Variants in NCAM1 observed in about 807,000 individuals in gnomAD.
NCAM1 encodes the protein antigen recognized by monoclonal antibody 5.1H11.
A neutral mutation model predicts 109.8 loss-of-function variants in NCAM1; 14 were observed. The observed-to-expected ratio is 0.13, with a 90% confidence interval of 0.08 to 0.20. The LOEUF is 0.20. Ranked by LOEUF, NCAM1 falls within the 10% of genes least tolerant of loss-of-function variation. The pLI is 1.00. For synonymous variants in NCAM1, 418 were observed against 442.9 expected, an observed-to-expected ratio of 0.94 and a Z score of 0.70; for missense variants, 774 against 1,109.9, an observed-to-expected ratio of 0.70 and a Z score of 4.30.
intron 1 of NCAM1, among the ~76,000 whole-genome samples, chr11:113,007,122 A>G (rs1227484401): frequency 3.9e-5 from 6 of 152,150 alleles, no homozygotes; most frequent in Non-Finnish European, 5.9e-5. Context: ...AAATAATTAC[A>G]CTTCAGGTTA....
At position 113,275,327 on chromosome 11, in the gene NCAM1, C is replaced by T. The variant is rs536434162; in HGVS notation, c.2517C>T (p.Ala839=). Residue 839 remains alanine, a synonymous_variant, in exon 20 of 20, where the codon GCC becomes GCT. Coordinates refer to ENST00000316851, the MANE Select transcript of NCAM1 (RefSeq NM_181351.5). ...CQETETKPAP[A]EVKTVPNDAT... ...AGACAGAAACGAAGCCAGCGCCAGC[C>T]GAAGTCAAGACGGTCCCCAATGACG... The T allele has an allele frequency of 2.0e-5, 33 of 1,613,518 alleles. No homozygotes were observed. The East Asian group carries it at 2.7e-4, about 13-fold the overall frequency.
intron 1 of NCAM1, among the ~76,000 whole-genome samples, chr11:113,200,173 C>T (rs1944007540): frequency 6.6e-6 from 1 of 152,210 alleles, no homozygotes; most frequent in Admixed American, 6.5e-5. Context: ...TGGGGGGACT[C>T]AGCTTCTCAT....
intron 15 of NCAM1, among the ~76,000 whole-genome samples, chr11:113,252,648 A>G (rs1945716031): frequency 6.6e-6 from 1 of 151,650 alleles, no homozygotes; most frequent in African/African-American, 2.4e-5. Context: ...ATTTCATTTT[A>G]TTTTTGAGAC....
chr11:113,031,119 A>G (rs1392748735), intron 1 of NCAM1, among the ~76,000 whole-genome samples: 1 of 152,186 alleles, frequency 6.6e-6, no homozygotes, highest in East Asian at 1.9e-4. Context: ...TTGTCAATGG[A>G]TCAACATGTT....
chr11:113,127,768 T>C (rs1198987008), intron 1 of NCAM1, among the ~76,000 whole-genome samples: 2 of 152,204 alleles, frequency 1.3e-5, no homozygotes, highest in Non-Finnish European at 2.9e-5. Flanking sequence ...CAGCGTCCCT[T>C]CCTACAAGAG....
Position 112,997,576 on chromosome 11 carries a change from T to A in NCAM1, c.52+35912T>A, listed in dbSNP as rs1183562498. The stretch of plus-strand genomic sequence containing the variant: ...GCCAGGAACAAGTTGATTTTTTTCC[T>A]GAATAGTATGATTTAATTTATTAGA... On this transcript the variant is annotated intron_variant, in intron 1 of 19. Coordinates refer to ENST00000316851, the MANE Select transcript of NCAM1 (RefSeq NM_181351.5). 7.2e-5 allele frequency among the ~76,000 whole-genome samples: 11 copies of A among 152,272 alleles called. No individual in the cohort carries two copies. The East Asian group carries it at 2.1e-3, about 29-fold the overall frequency.
At chr11:113,120,077 T>C (rs1442128943) in intron 1 of NCAM1, among the ~76,000 whole-genome samples, 1 of 152,242 alleles carries the variant, frequency 6.6e-6, no homozygotes, top group Non-Finnish European at 1.5e-5. Context: ...TAGAGTGTTC[T>C]CTCAGTTGTC....
intron 1 of NCAM1, among the ~76,000 whole-genome samples, chr11:113,005,041 G>A (rs1163013249): frequency 6.6e-6 from 1 of 151,980 alleles, no homozygotes; most frequent in Non-Finnish European, 1.5e-5. Context: ...CTTTCTTGAT[G>A]TTCTGTCCTC....
intron 14 of NCAM1, chr11:113,242,726 A>C (rs2137395052): frequency 8.0e-7 from 1 of 1,248,574 alleles, no homozygotes; most frequent in Non-Finnish European, 1.2e-6. Context: ...GTATGTATAC[A>C]TATATAGCTA....
chr11:113,129,753 G>A lies in NCAM1; in HGVS notation c.53-72626G>A, dbSNP rs187164750. 4.6e-3 allele frequency among the ~76,000 whole-genome samples: 707 copies of A among 152,254 alleles called. 7 individuals are homozygous for A. The highest frequency in any genetic ancestry group is 0.016 in the African/African-American group (660 of 41,530). ...ATTTCAAGATTTCTTATGAGACTGCGCAGCATTGTGAACATCCTGAATAAA... is the reference window on the plus strand; with the variant it reads ...ATTTCAAGATTTCTTATGAGACTGCACAGCATTGTGAACATCCTGAATAAA... On this transcript the variant is annotated intron_variant, in intron 1 of 19. Coordinates refer to ENST00000316851, the MANE Select transcript of NCAM1 (RefSeq NM_181351.5).
intron 1 of NCAM1, among the ~76,000 whole-genome samples, chr11:113,015,877 T>A (rs1555075192): frequency 6.6e-6 from 1 of 152,170 alleles, no homozygotes; most frequent in Non-Finnish European, 1.5e-5. Context: ...AGGATGTTTG[T>A]CATAAAAGGA....
chr11:113,088,659 G>A (rs1260489489), intron 1 of NCAM1, among the ~76,000 whole-genome samples: 1 of 152,192 alleles, frequency 6.6e-6, no homozygotes, highest in Admixed American at 6.5e-5. Flanking sequence ...GTGATATGAT[G>A]CGAGTAACAA....
chr11:113,009,312 G>GT (rs781818836), intron 1 of NCAM1, among the ~76,000 whole-genome samples: 1,082 of 79,664 alleles, frequency 0.014, 69 homozygotes, highest in African/African-American at 0.041. Flanking sequence ...GTTTTTTCGG[G>GT]TTTTTTTTTT....
chr11:113,153,046 A>ATT lies in NCAM1; in HGVS notation c.53-49320_53-49319dup, dbSNP rs34180130. The stretch of plus-strand genomic sequence containing the variant: ...AGCCTAAACTGCAGCAATGTCTATA[A>ATT]TTTTTTTTTTTTTTGAGACAGAATC... On this transcript the variant is annotated intron_variant, in intron 1 of 19. Transcript: ENST00000316851. 2.6e-3 allele frequency among the ~76,000 whole-genome samples: 380 copies of ATT among 147,474 alleles called. 2 individuals are homozygous for ATT. The highest frequency in any genetic ancestry group is 6.0e-3 in the Admixed American group (89 of 14,766).
At chr11:112,975,221 G>C (rs1293914269) in intron 1 of NCAM1, among the ~76,000 whole-genome samples, 1 of 152,030 alleles carries the variant, frequency 6.6e-6, no homozygotes, top group Non-Finnish European at 1.5e-5. Context: ...GAAAGACGTG[G>C]ACTTGGCAGT....
chr11:113,092,892 C>G lies in NCAM1; in HGVS notation c.53-109487C>G, dbSNP rs185218811. ...AATTGCTCCTTCACAGCAGTGGTTC[C>G]CAAAGTAGGCACCCACAAAATACTA... On this transcript the variant is annotated intron_variant, in intron 1 of 19. Transcript: ENST00000316851. Among the ~76,000 whole-genome samples the G allele has an allele frequency of 1.6e-4, 24 of 152,146 alleles. No individual in the cohort carries two copies. In the East Asian group the frequency reaches 4.4e-3, roughly 28 times the overall value.
chr11:113,043,428 GC>G (rs1953148621), intron 1 of NCAM1, among the ~76,000 whole-genome samples: 1 of 152,096 alleles, frequency 6.6e-6, no homozygotes, highest in Non-Finnish European at 1.5e-5. Flanking sequence ...AACTCCACCT[GC>G]CCATTCAAGC....
intron 1 of NCAM1, among the ~76,000 whole-genome samples, chr11:113,146,452 A>T (rs1942022195): frequency 6.6e-6 from 1 of 152,212 alleles, no homozygotes; most frequent in South Asian, 2.1e-4. Flanking sequence ...TTCCAAATTG[A>T]TATAAAGTAT....
At chr11:113,152,500 T>C (rs1344337478) in intron 1 of NCAM1, among the ~76,000 whole-genome samples, 1 of 152,262 alleles carries the variant, frequency 6.6e-6, no homozygotes, top group Non-Finnish European at 1.5e-5. Flanking sequence ...CATGTTCTCC[T>C]TCAGAGCACT....
Sources: gnomAD v4.1 joint callset for allele counts (sites outside exome capture counted in the v4.1 genomes callset) on GRCh38, gnomAD v4.1.1 for gene constraint, MANE v1.5 for transcripts, NCBI Gene and HGNC (gene_info 2026-07-23, HGNC 2026-07-21) for gene names.